Variants in CBFB observed in about 807,000 individuals in gnomAD.
CBFB encodes CBF-beta.
In CBFB, 9 loss-of-function variants were observed where a neutral mutation model predicts 30.4. The observed-to-expected ratio is 0.30, with a 90% CI of 0.18 to 0.52. CBFB has a LOEUF of 0.52. Among genes scored for constraint, CBFB ranks in the 20% least tolerant of loss-of-function variants. The pLI, the probability that CBFB is intolerant of heterozygous loss-of-function variation, is 0.97. For missense variants in CBFB, 170 were observed against 244.0 expected, an observed-to-expected ratio of 0.70 and a Z score of 2.02; for synonymous variants, 94 against 84.0, an observed-to-expected ratio of 1.12 and a Z score of -0.65.
chr16:67,084,165 CAAAAAAAAAA>C (rs368748767), intron 5 of CBFB, among the ~76,000 whole-genome samples: 1 of 54,330 alleles, frequency 1.8e-5, no homozygotes, highest in East Asian at 5.3e-4. Context: ...GACCCTACCT[CAAAAAAAAAA>C]AAAAAAAAAA....
At chr16:67,033,465 C>T (rs1290123479) in intron 2 of CBFB, among the ~76,000 whole-genome samples, 1 of 152,014 alleles carries the variant, frequency 6.6e-6, no homozygotes, top group Non-Finnish European at 1.5e-5. Context: ...GGATTACAGG[C>T]GCCTGCCACC....
intron 5 of CBFB, among the ~76,000 whole-genome samples, chr16:67,094,227 G>A (rs999445467): frequency 4.0e-5 from 6 of 151,044 alleles, no homozygotes; most frequent in Non-Finnish European, 1.5e-5. Context: ...CAAAGTGCTG[G>A]AATTACTAGT....
At chr16:67,094,017 T>C (rs1288709948) in intron 5 of CBFB, among the ~76,000 whole-genome samples, 1 of 152,178 alleles carries the variant, frequency 6.6e-6, no homozygotes, top group Non-Finnish European at 1.5e-5. Flanking sequence ...GTTTCCTTCA[T>C]ATGACGGTCA....
intron 2 of CBFB, 56 bp downstream of exon 2, chr16:67,029,869 G>T (rs1597117299): frequency 1.5e-6 from 2 of 1,302,726 alleles, no homozygotes; most frequent in Non-Finnish European, 1.0e-6. Context: ...GGCCGCGGCG[G>T]CCCAGGCCGG....
At position 67,072,964 on chromosome 16, in the gene CBFB, CAGCCTCCCAA is replaced by C. The variant is rs544232742; in HGVS notation, c.399+6170_399+6179del. The stretch of plus-strand genomic sequence containing the variant: ...CTGGCTTCAAACGATCCTCCTGCCA[CAGCCTCCCAA>C]AGCACTAGGATTATAGGCATGAGCC... On this transcript the variant is annotated intron_variant, in intron 4 of 5. Coordinates refer to ENST00000412916, the MANE Select transcript of CBFB (RefSeq NM_022845.3). Among the ~76,000 whole-genome samples, 3 of 152,208 alleles carry C rather than the reference CAGCCTCCCAA, an allele frequency of 2.0e-5. No homozygotes were observed. The South Asian group carries it at 6.2e-4, about 32-fold the overall frequency.
Position 67,029,169 on chromosome 16 carries a change from G to T in CBFB, c.-239G>T. 5.7e-6 allele frequency: 1 copy of T among 176,482 alleles called. No homozygotes were observed. Among genetic ancestry groups the T allele is most frequent in the Non-Finnish European group, 1.1e-5 (1 of 88,964 alleles). 10.9% of individuals were successfully genotyped at this position (176,482 alleles called of 1,614,324 possible). A position where few individuals can be genotyped will look rare whatever the true frequency, so the allele number is the denominator to read the frequency against. On this transcript the variant is annotated 5_prime_UTR_variant, in exon 1 of 6. Coordinates refer to ENST00000412916, the MANE Select transcript of CBFB (RefSeq NM_022845.3). ...GGGGCGGTGAGCGCTGGGGCTGCGC[G>T]GGCGGCAGGCAACGGCTGAGGCGGC...
chr16:67,051,951 A>G (rs1047344731), intron 3 of CBFB, among the ~76,000 whole-genome samples: 4 of 151,666 alleles, frequency 2.6e-5, no homozygotes, highest in East Asian at 1.9e-4. Context: ...ACACGCATAC[A>G]TATATATAGC....
chr16:67,058,641 C>G (rs921654198), intron 3 of CBFB, among the ~76,000 whole-genome samples: 1 of 152,072 alleles, frequency 6.6e-6, no homozygotes, highest in Non-Finnish European at 1.5e-5. Flanking sequence ...TGGATCTTTT[C>G]AAATGGAAAT....
chr16:67,092,670 C>T (rs1241542896), intron 5 of CBFB, among the ~76,000 whole-genome samples: 4 of 136,286 alleles, frequency 2.9e-5, no homozygotes, highest in Admixed American at 7.3e-5. Flanking sequence ...GTCATTCTGT[C>T]ACCCAGGCTA....
chr16:67,069,587 C>G (rs554959760), intron 4 of CBFB, among the ~76,000 whole-genome samples: 1 of 152,298 alleles, frequency 6.6e-6, no homozygotes, highest in East Asian at 1.9e-4. Context: ...GCCAAAAACT[C>G]TCACGTTTGA....
chr16:67,041,157 A>T (rs1037962852), intron 3 of CBFB, among the ~76,000 whole-genome samples: 1 of 152,200 alleles, frequency 6.6e-6, no homozygotes, highest in East Asian at 1.9e-4. Flanking sequence ...GCCCAGGGTG[A>T]CTCAAACTCC....
chr16:67,053,539 G>C (rs1276503423), intron 3 of CBFB, among the ~76,000 whole-genome samples: 3 of 152,008 alleles, frequency 2.0e-5, no homozygotes, highest in Admixed American at 2.0e-4. Flanking sequence ...ACAAGCGTGA[G>C]CCACCGCACC....
chr16:67,095,380 G>C (rs919796499), intron 5 of CBFB, among the ~76,000 whole-genome samples: 11 of 152,118 alleles, frequency 7.2e-5, no homozygotes, highest in Admixed American at 7.2e-4. Context: ...AGCCAGGTGT[G>C]GTGCTGCGTG....
chr16:67,043,512 A>G (rs547338746), intron 3 of CBFB, among the ~76,000 whole-genome samples: 1 of 152,302 alleles, frequency 6.6e-6, no homozygotes, highest in Non-Finnish European at 1.5e-5. Context: ...TAATCCTTCA[A>G]ATATATTTGA....
intron 3 of CBFB, among the ~76,000 whole-genome samples, chr16:67,065,795 C>T (rs927729467): frequency 2.0e-5 from 3 of 152,108 alleles, no homozygotes; most frequent in Non-Finnish European, 2.9e-5. Flanking sequence ...TGTAGTCAAA[C>T]CCTGTGACCT....
At chr16:67,064,884 G>A (rs1961009779) in intron 3 of CBFB, among the ~76,000 whole-genome samples, 1 of 151,952 alleles carries the variant, frequency 6.6e-6, no homozygotes, top group Non-Finnish European at 1.5e-5. Context: ...TAAAACAGAA[G>A]TTTTCTTTTT....
chr16:67,074,528 A>G (rs985574207), intron 4 of CBFB, among the ~76,000 whole-genome samples: 1 of 151,854 alleles, frequency 6.6e-6, no homozygotes, highest in Non-Finnish European at 1.5e-5. Context: ...GACTACAGGC[A>G]CGTGCCATCA....
chr16:67,061,153 T>G (rs1416086674), intron 3 of CBFB, among the ~76,000 whole-genome samples: 1 of 152,248 alleles, frequency 6.6e-6, no homozygotes, highest in Non-Finnish European at 1.5e-5. Context: ...CTTGAGATGA[T>G]TAAAAATTGT....
At chr16:67,050,345 T>A (rs1488501465) in intron 3 of CBFB, among the ~76,000 whole-genome samples, 1 of 150,226 alleles carries the variant, frequency 6.7e-6, no homozygotes, top group African/African-American at 2.4e-5. Context: ...TATGTATATA[T>A]AACGTTCTAA....
Sources: allele counts gnomAD v4.1 joint callset (sites outside exome capture counted in the v4.1 genomes callset), GRCh38; gene constraint gnomAD v4.1.1; transcripts MANE v1.5; gene names NCBI Gene and HGNC (gene_info 2026-07-23, HGNC 2026-07-21).